Variants in LAS1L observed in about 807,000 individuals in gnomAD.
LAS1L encodes ribosomal biogenesis protein LAS1L.
LAS1L carries 5 observed loss-of-function variants against 57.3 expected under a neutral mutation model. That is an observed-to-expected ratio of 0.09 (90% confidence interval 0.05 to 0.18). The LOEUF is 0.18. LAS1L is among the 10% of genes least tolerant of loss of function. LAS1L has a pLI of 1.00. For synonymous variants in LAS1L, 245 were observed against 231.7 expected (o/e 1.06, Z -0.52); for missense variants, 360 against 568.3 (o/e 0.63, Z 3.73).
chrX:65,530,523 A>T (rs988514699), intron 4 of LAS1L, among the ~76,000 whole-genome samples: 9 of 110,673 alleles, frequency 8.1e-5, no homozygotes, highest in Non-Finnish European at 1.3e-4. Context: ...TACTAAAAAA[A>T]TACAGCCAGG....
chrX:65,523,540 A>C lies in LAS1L; in HGVS notation c.1448+20T>G. 8.6e-7 allele frequency: 1 copy of C among 1,156,882 alleles called. No individual in the cohort carries two copies. The highest frequency in any genetic ancestry group is 2.6e-5 in the Admixed American group (1 of 38,145). The stretch of plus-strand genomic sequence containing the variant: ...TTGAAGGGCCTCACCCTCTTACCGG[A>C]TGGAATTCAAGAGACTTACATCCGA... On this transcript the variant is annotated intron_variant, in intron 11 of 13. Transcript: ENST00000374811.
intron 7 of LAS1L, among the ~76,000 whole-genome samples, chrX:65,525,488 C>T (rs1437976945): frequency 9.0e-6 from 1 of 110,518 alleles, no homozygotes; most frequent in Non-Finnish European, 1.9e-5. Context: ...TTCTCTTCTC[C>T]CTGGCTACCT....
intron 11 of LAS1L, chrX:65,520,863 C>T: frequency 2.7e-6 from 2 of 754,425 alleles, no homozygotes; most frequent in Non-Finnish European, 3.1e-6. Context: ...CAAACCTCTC[C>T]ATGCTGCTCT....
In LAS1L at chrX:65,534,623, T is replaced by C; in HGVS notation, c.93A>G (p.Lys31=). ...CGTGGGCCGAGAGTGGCAACGACCCTTTCCCTTTAACGCACTTTCCGTACC... is the reference window on the plus strand; with the variant it reads ...CGTGGGCCGAGAGTGGCAACGACCCCTTCCCTTTAACGCACTTTCCGTACC... ...SAWYGKCVKG[K]GSLPLSAHGI... The change falls in exon 1 of 14, where the codon AAA becomes AAG. Residue 31 remains lysine (K), a synonymous_variant. Coordinates refer to ENST00000374811, the MANE Select transcript of LAS1L (RefSeq NM_031206.7). 8.3e-7 allele frequency: 1 copy of C among 1,199,352 alleles called. No homozygotes were observed. The highest frequency in any genetic ancestry group is 1.1e-6 in the Non-Finnish European group (1 of 889,221).
intron 11 of LAS1L, 155 bp downstream of exon 11, chrX:65,523,405 C>T: frequency 1.9e-6 from 1 of 518,003 alleles, no homozygotes; most frequent in Non-Finnish European, 3.0e-6. Context: ...CCCTACCCCT[C>T]CCCTCTCTGG....
intron 7 of LAS1L, among the ~76,000 whole-genome samples, chrX:65,527,233 AAAAAAAAAAAAAAAAG>A (rs2069202595): frequency 1.1e-5 from 1 of 90,556 alleles, no homozygotes; most frequent in Non-Finnish European, 2.2e-5. Context: ...AAAAAAAAAA[AAAAAAAAAAAAAAAAG>A]ACCAGGCCGG....
chrX:65,530,907 CGA>C (rs1569443116), intron 4 of LAS1L, among the ~76,000 whole-genome samples: 1 of 110,069 alleles, frequency 9.1e-6, no homozygotes, highest in African/African-American at 3.3e-5. Flanking sequence ...CACTTGAACT[CGA>C]GAGGTGGAGG....
chrX:65,517,043 C>T (rs1183031199), intron 12 of LAS1L, among the ~76,000 whole-genome samples: 3 of 110,533 alleles, frequency 2.7e-5, no homozygotes, highest in Admixed American at 9.7e-5. Context: ...TTCCGGCCTC[C>T]GAGGTTCCTG....
At chrX:65,526,928 C>T (rs1466274366) in intron 7 of LAS1L, among the ~76,000 whole-genome samples, 1 of 110,635 alleles carries the variant, frequency 9.0e-6, no homozygotes, top group East Asian at 2.8e-4. Context: ...AAGAAAACAC[C>T]AGGACGGGCG....
intron 7 of LAS1L, 50 bp downstream of exon 7, chrX:65,528,210 C>T (rs753487276): frequency 2.5e-6 from 2 of 808,029 alleles, no homozygotes; most frequent in East Asian, 6.8e-5. Context: ...AATGAGGCTG[C>T]TACCCTCTAT....
At chrX:65,514,199 C>T (rs1198255094) in intron 13 of LAS1L, among the ~76,000 whole-genome samples, 1 of 111,760 alleles carries the variant, frequency 8.9e-6, no homozygotes, top group Non-Finnish European at 1.9e-5. Context: ...CTTTGTGTTA[C>T]TAGCATAGCC....
intron 11 of LAS1L, chrX:65,522,206 G>C (rs1414436774): frequency 9.1e-6 from 1 of 110,133 alleles, no homozygotes; most frequent in African/African-American, 3.3e-5. Flanking sequence ...AGAAGGTTGA[G>C]TGCAGCCGCA....
intron 9 of LAS1L, 48 bp downstream of exon 9, chrX:65,524,516 A>G: frequency 3.8e-6 from 2 of 519,548 alleles, no homozygotes; most frequent in East Asian, 7.2e-5. Flanking sequence ...AATAAAGTAT[A>G]AACAAAACAG....
intron 12 of LAS1L, among the ~76,000 whole-genome samples, chrX:65,516,011 A>G (rs1220334691): frequency 9.0e-6 from 1 of 111,533 alleles, no homozygotes; most frequent in Non-Finnish European, 1.9e-5. Flanking sequence ...TCCTTCCACA[A>G]GTGCATTCAG....
At chrX:65,520,998 C>A in intron 11 of LAS1L, 1 of 753,932 alleles carries the variant, frequency 1.3e-6, no homozygotes, top group South Asian at 6.8e-5. Context: ...TCATCCAGGC[C>A]CTTTTGGTTC....
Position 65,512,594 on chromosome X carries a change from T to C in LAS1L, c.*181A>G. On this transcript the variant is annotated 3_prime_UTR_variant, in exon 14 of 14. Transcript: ENST00000374811. ...CAAACACCAAAACTACAGTTGCCTG[T>C]TTATTATTTTTCAAAACAAAACAAA... 2 of 520,363 alleles carry C rather than the reference T, an allele frequency of 3.8e-6. No individual in the cohort carries two copies. The highest frequency in any genetic ancestry group is 6.0e-6 in the Non-Finnish European group (2 of 331,119). The allele number at this position is 520,363 out of a possible 1,213,427, so 42.9% of individuals were successfully genotyped here. A position where few individuals can be genotyped will look rare whatever the true frequency, so the allele number is the denominator to read the frequency against.
intron 1 of LAS1L, 98 bp from the exon 2 acceptor site, chrX:65,533,833 C>G (rs975876220): frequency 7.4e-6 from 7 of 943,224 alleles, no homozygotes; most frequent in Non-Finnish European, 1.0e-5. Context: ...CCATCATATT[C>G]TGGTTCAAGA....
At chrX:65,522,614 CCA>C (rs1473003286) in intron 11 of LAS1L, 2 of 110,964 alleles carry the variant, frequency 1.8e-5, no homozygotes, top group African/African-American at 6.6e-5. Flanking sequence ...AACTGAGCAA[CCA>C]CAGACAGGAT....
chrX:65,526,741 A>G (rs984103819), intron 7 of LAS1L, among the ~76,000 whole-genome samples: 1 of 111,625 alleles, frequency 9.0e-6, no homozygotes, highest in Non-Finnish European at 1.9e-5. Flanking sequence ...ATGGGTAGAC[A>G]TACTATGCGC....
Sources: gnomAD v4.1 joint callset for allele counts (sites outside exome capture counted in the v4.1 genomes callset) on GRCh38, gnomAD v4.1.1 for gene constraint, MANE v1.5 for transcripts, NCBI Gene and HGNC (gene_info 2026-07-23, HGNC 2026-07-21) for gene names.